Variants in DYNC2H1 observed in about 807,000 individuals in gnomAD.
DYNC2H1 encodes the protein cytoplasmic dynein 2 heavy chain 1.
A neutral mutation model predicts 570.0 loss-of-function variants in DYNC2H1; 410 were observed. That is an observed-to-expected ratio of 0.72 (90% confidence interval 0.66 to 0.78). The LOEUF (loss-of-function observed/expected upper bound fraction) is 0.78. DYNC2H1 is among the 30% of genes least tolerant of loss of function. The pLI, the probability that DYNC2H1 is intolerant of heterozygous loss-of-function variation, is 0.00. For missense variants in DYNC2H1, 4,865 were observed against 5,046.4 expected, an observed-to-expected ratio of 0.96 and a Z score of 1.09; for synonymous variants, 1,688 against 1,677.6, an observed-to-expected ratio of 1.01 and a Z score of -0.15.
At chr11:103,278,799 T>G (rs893676353) in intron 70 of DYNC2H1, among the ~76,000 whole-genome samples, 3 of 152,106 alleles carry the variant, frequency 2.0e-5, no homozygotes, top group Admixed American at 6.5e-5. Context: ...ACTCCTGACC[T>G]CAGGTGATCC....
chr11:103,321,018 TAAAA>T lies in DYNC2H1; in HGVS notation c.11726-10_11726-7del. On this transcript the variant is annotated splice_polypyrimidine_tract_variant and splice_region_variant and intron_variant, in intron 80 of 88. Coordinates refer to ENST00000375735, the MANE Select transcript of DYNC2H1 (RefSeq NM_001377.3). ...GAAATGAAATTAATGAGTGTTTTTT[TAAAA>T]TTATAGGTGCCAAAGATGTACAATG... 6.3e-7 allele frequency: 1 copy of T among 1,581,696 alleles called. No individual in the cohort carries two copies. Among genetic ancestry groups the T allele is most frequent in the Admixed American group, 1.8e-5 (1 of 55,070 alleles).
intron 72 of DYNC2H1, among the ~76,000 whole-genome samples, 170 bp downstream of exon 72, chr11:103,282,399 A>G (rs1335308907): frequency 2.0e-5 from 3 of 151,992 alleles, no homozygotes; most frequent in African/African-American, 7.2e-5. Context: ...AGACAAGTAT[A>G]TTTGTTTACT....
At chr11:103,470,105 T>C (rs2135852951) in intron 88 of DYNC2H1, among the ~76,000 whole-genome samples, 1 of 151,890 alleles carries the variant, frequency 6.6e-6, no homozygotes, top group East Asian at 1.9e-4. Flanking sequence ...AGAATAAATA[T>C]AGGAGACAAT....
At position 103,181,963 on chromosome 11, in the gene DYNC2H1, G is replaced by T. The variant is rs2135012171; in HGVS notation, c.6477+77G>T. ...GAGTGATGCTTATTTTAACTTCCTT[G>T]TGGTAGAACTCTGCTGGAATGTGGG... On this transcript the variant is annotated intron_variant, in intron 40 of 88. Coordinates refer to ENST00000375735, the MANE Select transcript of DYNC2H1 (RefSeq NM_001377.3). This position sits in a 1 kb window ranked among gnomAD's most constrained non-coding sequence, Gnocchi z 5.0. 6.7e-7 allele frequency: 1 copy of T among 1,483,768 alleles called. No individual in the cohort carries two copies. The highest frequency in any genetic ancestry group is 1.3e-5 in the South Asian group (1 of 77,118). 91.9% of individuals were successfully genotyped at this position (1,483,768 alleles called of 1,614,324 possible).
intron 56 of DYNC2H1, 27 bp from the exon 57 acceptor site, chr11:103,220,596 G>A (rs1333996934): frequency 6.4e-7 from 1 of 1,554,564 alleles, no homozygotes; most frequent in Non-Finnish European, 8.7e-7. Context: ...ATAATTTGAA[G>A]ATAAAAATGG....
intron 55 of DYNC2H1, among the ~76,000 whole-genome samples, chr11:103,219,566 T>G (rs1326070112): frequency 6.6e-6 from 1 of 152,160 alleles, no homozygotes; most frequent in Non-Finnish European, 1.5e-5. Flanking sequence ...GAGCTGAGAC[T>G]GTGCTCTTAC....
At chr11:103,123,091 C>A in intron 11 of DYNC2H1, 91 bp downstream of exon 11, 2 of 1,086,576 alleles carry the variant, frequency 1.8e-6, no homozygotes, top group Non-Finnish European at 2.4e-6. Context: ...TTCCTTTCTC[C>A]AAACTTGCTA....
In DYNC2H1 at chr11:103,324,356, G is replaced by A. The variant is rs1202917519; in HGVS notation, c.12039+366G>A. On this transcript the variant is annotated intron_variant, in intron 82 of 88. Transcript: ENST00000375735. The surrounding 1 kb of genome is among the most constrained non-coding windows in gnomAD (Gnocchi z 5.2). ...CACCCTCAAGTAGGCCCTGGTGTCT[G>A]TTGTTCCCTTCTTTGTATCCATGTA... Among the ~76,000 whole-genome samples, 1 of 152,074 alleles carries A rather than the reference G, an allele frequency of 6.6e-6. No homozygotes were observed. Among genetic ancestry groups the A allele is most frequent in the Non-Finnish European group, 1.5e-5 (1 of 68,002 alleles).
In DYNC2H1 at chr11:103,189,790, G is replaced by A; in HGVS notation, c.7411G>A (p.Gly2471Arg). 1.2e-6 allele frequency: 2 copies of A among 1,610,670 alleles called. No homozygotes were observed. The highest frequency in any genetic ancestry group is 1.7e-6 in the Non-Finnish European group (2 of 1,178,898). ...TTCATCAAAAATTTATCTTTTAGCA[G>A]GATCTATGGTACAAGTGTATGAACA... ...GSSSKIYLLAGSMVQVYEQVR... is the reference protein window; with the variant it reads ...GSSSKIYLLARSMVQVYEQVR... The change falls in exon 45 of 89, where the codon GGA becomes AGA. Residue 2471 changes from glycine to arginine, a missense_variant. This residue lies in a region of DYNC2H1 where 2,401 missense variants were observed against 2,454.6 expected (regional missense o/e 0.98). Transcript: ENST00000375735. The surrounding 1 kb of genome is among the most constrained non-coding windows in gnomAD (Gnocchi z 4.3).
At chr11:103,372,723 T>C (rs1048340343) in intron 83 of DYNC2H1, among the ~76,000 whole-genome samples, 4 of 152,206 alleles carry the variant, frequency 2.6e-5, no homozygotes, top group Non-Finnish European at 5.9e-5. Context: ...TGTGTCCTTC[T>C]CTGGTTTTGG....
chr11:103,337,267 T>C (rs1939186906), intron 82 of DYNC2H1, among the ~76,000 whole-genome samples: 1 of 152,168 alleles, frequency 6.6e-6, no homozygotes, highest in Non-Finnish European at 1.5e-5. Flanking sequence ...TGTCAATAAA[T>C]ATGTGGGTAA....
At chr11:103,248,150 G>C (rs937677977) in intron 65 of DYNC2H1, among the ~76,000 whole-genome samples, 5 of 151,964 alleles carry the variant, frequency 3.3e-5, no homozygotes, top group African/African-American at 1.2e-4. Context: ...ATGGGCTGTG[G>C]GATATCTCCT....
Position 103,165,986 on chromosome 11 carries a change from TG to T in DYNC2H1, c.4702del (p.Val1568Ter). The T allele has an allele frequency of 6.5e-7, 1 of 1,532,262 alleles. No homozygotes were observed. The highest frequency in any genetic ancestry group is 8.8e-7 in the Non-Finnish European group (1 of 1,138,466). 94.9% of individuals were successfully genotyped at this position (1,532,262 alleles called of 1,614,324 possible). On this transcript the variant is annotated frameshift_variant, in exon 31 of 89. Transcript: ENST00000375735. LOFTEE classifies it high-confidence loss of function. ...AGTCTTCATCAGATTGAAACACAAC[TG>T]GTGAATAAGTTAGAGCAATATACTA... is the stretch of plus-strand genomic sequence containing the variant. ...DHSLHQIETQ[L>X]VNKLEQYTNI...
chr11:103,121,109 C>G, intron 9 of DYNC2H1, 73 bp downstream of exon 9: 1 of 991,106 alleles, frequency 1.0e-6, no homozygotes, highest in East Asian at 2.8e-5. Context: ...TCGTTGCATA[C>G]CATTTAGGAT....
intron 84 of DYNC2H1, 71 bp downstream of exon 84, chr11:103,399,943 G>C: frequency 7.6e-7 from 1 of 1,310,304 alleles, no homozygotes. Context: ...ACATATATTT[G>C]TCAGGAATCA....
At chr11:103,467,144 T>C (rs1404058758) in intron 87 of DYNC2H1, among the ~76,000 whole-genome samples, 1 of 152,180 alleles carries the variant, frequency 6.6e-6, no homozygotes, top group Non-Finnish European at 1.5e-5. Flanking sequence ...AAAACAATAC[T>C]ATTTATTGTT....
rs1466534491 is a variant in DYNC2H1, at chr11:103,252,090, A to G, written c.10043-1195A>G. Among the ~76,000 whole-genome samples, 4 of 141,960 alleles carry G rather than the reference A, an allele frequency of 2.8e-5. No individual in the cohort carries two copies. The highest frequency in any genetic ancestry group is 6.1e-5 in the Non-Finnish European group (4 of 65,240). 93.1% of individuals were successfully genotyped at this position (141,960 alleles called of 152,430 possible). A position where few individuals can be genotyped will look rare whatever the true frequency, so the allele number is the denominator to read the frequency against. Reference sequence around the variant, plus strand: ...TAGGCACATACCATCATGCCCAGCTAATTAAAAACATTTTTTTTTTTTTTT... The same window carrying G: ...TAGGCACATACCATCATGCCCAGCTGATTAAAAACATTTTTTTTTTTTTTT... On this transcript the variant is annotated intron_variant, in intron 65 of 88. Coordinates refer to ENST00000375735, the MANE Select transcript of DYNC2H1 (RefSeq NM_001377.3). The surrounding 1 kb of genome is among the most constrained non-coding windows in gnomAD (Gnocchi z 4.6).
chr11:103,149,774 G>T (rs1860443893), intron 20 of DYNC2H1, among the ~76,000 whole-genome samples: 1 of 151,972 alleles, frequency 6.6e-6, no homozygotes, highest in Non-Finnish European at 1.5e-5. Context: ...GTGTGCGTGT[G>T]TGTGTGTGTG....
intron 71 of DYNC2H1, among the ~76,000 whole-genome samples, chr11:103,281,068 G>A (rs1380598321): frequency 1.3e-5 from 2 of 152,014 alleles, no homozygotes; most frequent in Non-Finnish European, 2.9e-5. Flanking sequence ...CCAGTAGCCA[G>A]GGTGTCAAGG....
Sources: allele counts gnomAD v4.1 joint callset (sites outside exome capture counted in the v4.1 genomes callset), GRCh38; gene constraint gnomAD v4.1.1; regional missense constraint gnomAD v4.1.1; non-coding constraint Gnocchi (gnomAD v3.1); transcripts MANE v1.5; gene names NCBI Gene and HGNC (gene_info 2026-07-23, HGNC 2026-07-21).